Variants in ATG7 observed in about 807,000 individuals in gnomAD.
ATG7 encodes autophagy related 7.
In ATG7, 70 loss-of-function variants were observed where a neutral mutation model predicts 82.4. The observed-to-expected ratio is 0.85, with a 90% CI of 0.70 to 1.04. The LOEUF (loss-of-function observed/expected upper bound fraction) is 1.04. Among genes scored for constraint, ATG7 ranks in the 50% least tolerant of loss-of-function variants. The pLI, the probability that ATG7 is intolerant of heterozygous loss-of-function variation, is 0.00. For synonymous variants in ATG7, 287 were observed against 313.0 expected (o/e 0.92, Z 0.88); for missense variants, 792 against 864.3 (o/e 0.92, Z 1.05).
At chr3:11,537,666 C>CT (rs1427321877) in intron 20 of ATG7, among the ~76,000 whole-genome samples, 1 of 152,252 alleles carries the variant, frequency 6.6e-6, no homozygotes, top group Non-Finnish European at 1.5e-5. Context: ...TCACTCCACA[C>CT]TTCATCATCT....
chr3:11,329,077 A>G (rs1420524470), intron 9 of ATG7, among the ~76,000 whole-genome samples: 1 of 152,212 alleles, frequency 6.6e-6, no homozygotes, highest in Non-Finnish European at 1.5e-5. Flanking sequence ...CCTGGGTAAT[A>G]ACGGTAATAA....
chr3:11,285,958 A>C (rs991625771), intron 3 of ATG7, among the ~76,000 whole-genome samples: 1 of 152,134 alleles, frequency 6.6e-6, no homozygotes, highest in Non-Finnish European at 1.5e-5. Context: ...TCAGTCTGGG[A>C]CAGCTCCTTG....
rs148815680 is a variant in ATG7 at position 11,471,741 on chromosome 3, A to ATTTTT, written c.2079+44818_2079+44819insTTTTT. On this transcript the variant is annotated intron_variant, in intron 20 of 20. Coordinates refer to ENST00000693202, the MANE Select transcript of ATG7 (RefSeq NM_001349232.2). ...AGTACTTCATAGATTGGCTTTTTAG[A>ATTTTT]TTTCTTTTTTTTTTTTTTTTGAAAT... Among the ~76,000 whole-genome samples, 18 of 30,398 alleles carry ATTTTT rather than the reference A, an allele frequency of 5.9e-4. 1 individual carries two copies. Among genetic ancestry groups the ATTTTT allele is most frequent in the Middle Eastern group, 0.019 (1 of 54 alleles). The allele number at this position is 30,398 out of a possible 152,430, so 19.9% of individuals were successfully genotyped here.
chr3:11,397,474 C>CCT (rs1360300017), intron 19 of ATG7, among the ~76,000 whole-genome samples: 1 of 151,860 alleles, frequency 6.6e-6, no homozygotes, highest in Non-Finnish European at 1.5e-5. Context: ...TTTTTCCCCC[C>CCT]TAAGATGGAG....
intron 18 of ATG7, among the ~76,000 whole-genome samples, chr3:11,378,986 A>T (rs982020993): frequency 6.6e-5 from 10 of 152,078 alleles, no homozygotes. Context: ...AGTGTTGAAG[A>T]CAAACGCTGT....
intron 19 of ATG7, among the ~76,000 whole-genome samples, chr3:11,392,204 CTG>C (rs1239086662): frequency 2.2e-4 from 33 of 152,254 alleles, no homozygotes; most frequent in Non-Finnish European, 2.4e-4. Flanking sequence ...TTTTCTCAAA[CTG>C]TTTATGACAA....
intron 7 of ATG7, among the ~76,000 whole-genome samples, chr3:11,309,788 T>A (rs947743874): frequency 8.5e-5 from 13 of 152,342 alleles, no homozygotes; most frequent in African/African-American, 3.1e-4. Flanking sequence ...ATTTATATCC[T>A]TTATTATTAT....
chr3:11,324,193 A>C (rs1424933586), intron 9 of ATG7, among the ~76,000 whole-genome samples: 3 of 152,200 alleles, frequency 2.0e-5, no homozygotes, highest in African/African-American at 7.2e-5. Flanking sequence ...AAGTTCGCAC[A>C]ATTAATTTGT....
intron 20 of ATG7, among the ~76,000 whole-genome samples, chr3:11,475,854 C>G (rs911425199): frequency 6.4e-5 from 9 of 141,272 alleles, no homozygotes; most frequent in African/African-American, 2.4e-4. Flanking sequence ...CTATGTCCAT[C>G]TCTCTGTCTC....
chr3:11,428,917 G>A (rs2082604301), intron 20 of ATG7, among the ~76,000 whole-genome samples: 1 of 152,116 alleles, frequency 6.6e-6, no homozygotes, highest in Admixed American at 6.5e-5. Context: ...CATTTTAGTT[G>A]GTCAAACCTT....
chr3:11,532,188 G>C (rs182007202), intron 20 of ATG7, among the ~76,000 whole-genome samples: 1 of 152,304 alleles, frequency 6.6e-6, no homozygotes, highest in African/African-American at 2.4e-5. Flanking sequence ...AGCGTGTATT[G>C]AGTATGATTT....
chr3:11,395,831 TC>T (rs2079178180), intron 19 of ATG7, among the ~76,000 whole-genome samples: 2 of 151,054 alleles, frequency 1.3e-5, no homozygotes, highest in Admixed American at 6.6e-5. Flanking sequence ...TCCCAGCTAC[TC>T]GGGAGGCTGA....
intron 20 of ATG7, among the ~76,000 whole-genome samples, chr3:11,528,553 G>T (rs773944231): frequency 6.6e-6 from 1 of 152,090 alleles, no homozygotes; most frequent in Non-Finnish European, 1.5e-5. Flanking sequence ...TAGTTTGGGC[G>T]CAGTGACTCA....
intron 13 of ATG7, among the ~76,000 whole-genome samples, chr3:11,342,742 T>C (rs773422953): frequency 6.6e-6 from 1 of 152,190 alleles, no homozygotes; most frequent in Non-Finnish European, 1.5e-5. Flanking sequence ...GTTCTTTATT[T>C]AATCAATTTC....
intron 20 of ATG7, among the ~76,000 whole-genome samples, chr3:11,441,545 A>T (rs1185946294): frequency 6.6e-6 from 1 of 151,126 alleles, no homozygotes; most frequent in Non-Finnish European, 1.5e-5. Context: ...ACCAGCCTGC[A>T]TTATGTTTTA....
intron 20 of ATG7, among the ~76,000 whole-genome samples, chr3:11,533,885 TC>T (rs747204292): frequency 1.3e-5 from 2 of 152,224 alleles, no homozygotes; most frequent in Admixed American, 1.3e-4. Context: ...AACCATGCTT[TC>T]CTATTTTGCT....
intron 11 of ATG7, among the ~76,000 whole-genome samples, chr3:11,338,983 G>A (rs572280077): frequency 1.4e-4 from 21 of 152,242 alleles, no homozygotes; most frequent in Non-Finnish European, 2.4e-4. Flanking sequence ...AAATTCAAAA[G>A]TAGGAGAATG....
intron 20 of ATG7, among the ~76,000 whole-genome samples, chr3:11,546,795 C>T (rs1225057905): frequency 3.3e-5 from 5 of 152,234 alleles, no homozygotes; most frequent in Non-Finnish European, 4.4e-5. Flanking sequence ...GGCAGCCCAT[C>T]CCTGCCCTCT....
At position 11,513,320 on chromosome 3, in the gene ATG7, G is replaced by A. The variant is rs150909381; in HGVS notation, c.2080-41491G>A. On this transcript the variant is annotated intron_variant, in intron 20 of 20. Coordinates refer to ENST00000693202, the MANE Select transcript of ATG7 (RefSeq NM_001349232.2). ...GGGCGGTGCTCGTTGGGGAGGCTCG[G>A]GCTGCACAGGAGCCCACGGGAGGCA... 1.6e-3 allele frequency among the ~76,000 whole-genome samples: 248 copies of A among 152,308 alleles called. 1 individual carries two copies. The highest frequency in any genetic ancestry group is 2.9e-3 in the Non-Finnish European group (196 of 68,020).
Sources: allele counts gnomAD v4.1 joint callset (sites outside exome capture counted in the v4.1 genomes callset), GRCh38; gene constraint gnomAD v4.1.1; transcripts MANE v1.5; gene names NCBI Gene and HGNC (gene_info 2026-07-23, HGNC 2026-07-21).